The following CRYBB3 variants were observed in gnomAD, a reference collection of about 807,000 sequenced individuals.
CRYBB3 encodes the protein crystallin beta B3, also known as beta-crystallin B3.
CRYBB3 carries 35 observed loss-of-function variants against 28.3 expected under a neutral mutation model. That is an observed-to-expected ratio of 1.24 (90% CI 0.95 to 1.64). The LOEUF is 1.64. CRYBB3 is among the 40% of genes most tolerant of loss of function. The probability of loss-of-function intolerance (pLI) is 0.00; values close to 1 mark genes in which losing one functional copy is unlikely to be tolerated. For synonymous variants in CRYBB3, 106 were observed against 110.4 expected (o/e 0.96, Z 0.25); for missense variants, 296 against 297.4 (o/e 1.00, Z 0.04).
intron 2 of CRYBB3, 112 bp downstream of exon 2, chr22:25,201,583 A>G (rs1436417899): frequency 1.3e-6 from 2 of 1,503,696 alleles, no homozygotes; most frequent in Admixed American, 2.2e-5. Context: ...CCAACCACCC[A>G]GGCCAGGACA....
In CRYBB3 at chr22:25,207,082, G is replaced by A. The variant is rs374984300; in HGVS notation, c.506G>A (p.Arg169His). Residue 169 changes from arginine (R) to histidine (H), a missense_variant, in exon 6 of 6, where the codon CGC (arginine) becomes CAC (histidine). Transcript: ENST00000215855. Reference protein sequence around the residue: ...VGYEFPGYRGRQYVFERGEYR... With the variant: ...VGYEFPGYRGHQYVFERGEYR... ...TATGAGTTCCCCGGCTACCGTGGGC[G>A]CCAGTACGTGTTTGAGCGGGGCGAG... 2.2e-5 allele frequency: 36 copies of A among 1,613,632 alleles called. No homozygotes were observed. The highest frequency in any genetic ancestry group is 3.3e-5 in the South Asian group (3 of 91,088).
At chr22:25,200,107 G>C (rs73409580) in intron 1 of CRYBB3, among the ~76,000 whole-genome samples, 198 bp downstream of exon 1, 8,874 of 152,208 alleles carry the variant, frequency 0.058, 344 homozygotes, top group East Asian at 0.11. Context: ...GCAGTGGCCA[G>C]GGTCCAAGCC....
chr22:25,207,332 A>C lies in CRYBB3; in HGVS notation c.*120A>C. On this transcript the variant is annotated 3_prime_UTR_variant, in exon 6 of 6. Coordinates refer to ENST00000215855, the MANE Select transcript of CRYBB3 (RefSeq NM_004076.5). ...ACCCTTCCCTGGAATCTGCTCAATA[A>C]AGCCTGGGGTTGGTCCCCCACCCGC... 1 of 912,314 alleles carries C rather than the reference A, an allele frequency of 1.1e-6. No homozygotes were observed. Among genetic ancestry groups the C allele is most frequent in the Non-Finnish European group, 1.6e-6 (1 of 613,816 alleles). The allele number at this position is 912,314 out of a possible 1,614,324, so 56.5% of individuals were successfully genotyped here.
At chr22:25,201,106 C>A (rs1249999484) in intron 1 of CRYBB3, among the ~76,000 whole-genome samples, 1 of 152,064 alleles carries the variant, frequency 6.6e-6, no homozygotes, top group Non-Finnish European at 1.5e-5. Flanking sequence ...CGACCCAGGC[C>A]ACTTCCTCAC....
In CRYBB3 at chr22:25,203,770, G is replaced by A. The variant is rs144697511; in HGVS notation, c.202G>A (p.Ala68Thr). 5 of 1,614,072 alleles carry A rather than the reference G, an allele frequency of 3.1e-6. 1 individual carries two copies. The South Asian group carries it at 3.3e-5, about 11-fold the overall frequency. The change falls in exon 4 of 6, where the codon GCA becomes ACA. Residue 68 changes from alanine (A) to threonine (T), a missense_variant. Coordinates refer to ENST00000215855, the MANE Select transcript of CRYBB3 (RefSeq NM_004076.5). Reference protein sequence around the residue: ...SIQVESGPWLAFESRAFRGEQ... With the variant: ...SIQVESGPWLTFESRAFRGEQ... ...AGCCTCTTCCTCCCTCAGGTGGCTGGCATTTGAGTCCAGGGCCTTCCGCGG... is the reference window on the plus strand; with the variant it reads ...AGCCTCTTCCTCCCTCAGGTGGCTGACATTTGAGTCCAGGGCCTTCCGCGG...
chr22:25,205,851 C>A (rs188813805), intron 5 of CRYBB3, among the ~76,000 whole-genome samples: 8 of 152,282 alleles, frequency 5.3e-5, no homozygotes, highest in African/African-American at 1.9e-4. Flanking sequence ...CAAGTAAAAT[C>A]TGTTCTCTCC....
At chr22:25,206,666 G>T (rs568973478) in intron 5 of CRYBB3, among the ~76,000 whole-genome samples, 1 of 152,276 alleles carries the variant, frequency 6.6e-6, no homozygotes, top group African/African-American at 2.4e-5. Flanking sequence ...TGAGGTACTC[G>T]ATTCAGCCTG....
intron 1 of CRYBB3, among the ~76,000 whole-genome samples, chr22:25,200,359 G>A (rs1014500036): frequency 6.6e-6 from 1 of 152,134 alleles, no homozygotes; most frequent in African/African-American, 2.4e-5. Flanking sequence ...GGGAGCCGTG[G>A]GTGGGTAACA....
chr22:25,201,828 T>C (rs1934953704), intron 2 of CRYBB3, among the ~76,000 whole-genome samples: 1 of 152,188 alleles, frequency 6.6e-6, no homozygotes, highest in South Asian at 2.1e-4. Context: ...TTGGAGGCTC[T>C]CTGGGCCTCA....
Position 25,207,076 on chromosome 22 carries a change from G to T in CRYBB3, c.500G>T (p.Arg167Leu), listed in dbSNP as rs199869449. 1 of 1,613,584 alleles carries T rather than the reference G, an allele frequency of 6.2e-7. No individual in the cohort carries two copies. Among genetic ancestry groups the T allele is most frequent in the Non-Finnish European group, 8.5e-7 (1 of 1,179,700 alleles). Residue 167 changes from arginine to leucine, a missense_variant, in exon 6 of 6, where the codon CGT becomes CTT. Arg to Leu is a moderately radical substitution (Grantham distance 102). Coordinates refer to ENST00000215855, the MANE Select transcript of CRYBB3 (RefSeq NM_004076.5). ...GTTGGCTATGAGTTCCCCGGCTACC[G>T]TGGGCGCCAGTACGTGTTTGAGCGG... The part of the protein sequence containing the change: ...TWVGYEFPGY[R>L]GRQYVFERGE...
intron 5 of CRYBB3, among the ~76,000 whole-genome samples, chr22:25,206,673 C>T (rs983410345): frequency 3.3e-5 from 5 of 152,016 alleles, no homozygotes; most frequent in African/African-American, 1.2e-4. Context: ...CTCGATTCAG[C>T]CTGCAGGAGT....
At chr22:25,205,198 C>T (rs763178274) in intron 4 of CRYBB3, 22 bp from the exon 5 acceptor site, 29 of 1,613,350 alleles carry the variant, frequency 1.8e-5, no homozygotes, top group Non-Finnish European at 2.1e-5. Flanking sequence ...AGCAGCCGCT[C>T]ACCCCACGAT....
chr22:25,201,518 T>G (rs1376511486), intron 2 of CRYBB3, 47 bp downstream of exon 2: 1 of 1,602,990 alleles, frequency 6.2e-7, no homozygotes, highest in Non-Finnish European at 8.5e-7. Context: ...CTCCTGGGCC[T>G]CAGGGTCATC....
chr22:25,204,889 A>G (rs1294018732), intron 4 of CRYBB3, among the ~76,000 whole-genome samples: 1 of 152,194 alleles, frequency 6.6e-6, no homozygotes, highest in Non-Finnish European at 1.5e-5. Context: ...GAAAGCTCAT[A>G]TGTTGATACT....
chr22:25,204,395 T>C (rs1176746032), intron 4 of CRYBB3, among the ~76,000 whole-genome samples: 1 of 152,066 alleles, frequency 6.6e-6, no homozygotes, highest in Non-Finnish European at 1.5e-5. Flanking sequence ...TCTCTCTCTC[T>C]CTTTTTAAAC....
chr22:25,206,935 C>T, intron 5 of CRYBB3, 112 bp from the exon 6 acceptor site: 2 of 830,766 alleles, frequency 2.4e-6, no homozygotes, highest in Non-Finnish European at 2.1e-6. Context: ...ATCCCAAGGG[C>T]TCTGGGGAGC....
chr22:25,200,304 A>G (rs1308828683), intron 1 of CRYBB3, among the ~76,000 whole-genome samples: 2 of 152,056 alleles, frequency 1.3e-5, no homozygotes, highest in African/African-American at 4.8e-5. Flanking sequence ...GCCCACATCC[A>G]GAGTATGTGG....
Position 25,201,405 on chromosome 22 carries a change from A to G in CRYBB3, c.9A>G (p.Glu3=), listed in dbSNP as rs755555776. 13 of 1,613,160 alleles carry G rather than the reference A, an allele frequency of 8.1e-6. No individual in the cohort carries two copies. In the Admixed American group the frequency reaches 2.2e-4, roughly 27 times the overall value. The change falls in exon 2 of 6, where the codon GAA becomes GAG. Residue 3 remains glutamate, a synonymous_variant. Coordinates refer to ENST00000215855, the MANE Select transcript of CRYBB3 (RefSeq NM_004076.5). The part of the protein sequence containing the change: MA[E]QHGAPEQAAA... The stretch of plus-strand genomic sequence containing the variant: ...GAGGTGTTCCTGGGGAGATGGCGGA[A>G]CAGCACGGAGCACCCGAACAGGCTG...
chr22:25,201,357 C>T lies in CRYBB3; in HGVS notation c.-20-20C>T, dbSNP rs1453414016. 1 of 1,611,366 alleles carries T rather than the reference C, an allele frequency of 6.2e-7. No individual in the cohort carries two copies. Among genetic ancestry groups the T allele is most frequent in the Non-Finnish European group, 8.5e-7 (1 of 1,178,312 alleles). ...CTTCTCCCGGGTGGATCCAGTGAAC[C>T]ATTTTCTTTTGGTTTGAAGCCAGAG... On this transcript the variant is annotated intron_variant, in intron 1 of 5. Coordinates refer to ENST00000215855, the MANE Select transcript of CRYBB3 (RefSeq NM_004076.5).
Sources: gnomAD v4.1 joint callset for allele counts (sites outside exome capture counted in the v4.1 genomes callset) on GRCh38, gnomAD v4.1.1 for gene constraint, MANE v1.5 for transcripts, NCBI Gene and HGNC (gene_info 2026-07-23, HGNC 2026-07-21) for gene names.